CSMD1: variants seen among roughly 807,000 people sequenced by gnomAD.
CSMD1 encodes the protein CUB and Sushi multiple domains 1.
CSMD1 carries 213 observed loss-of-function variants against 417.5 expected under a neutral mutation model. That is an observed-to-expected ratio of 0.51 (90% confidence interval 0.46 to 0.57). The LOEUF (loss-of-function observed/expected upper bound fraction) is 0.57, where lower values mean the gene tolerates loss of function less well. Ranked by LOEUF, CSMD1 falls within the 20% of genes least tolerant of loss-of-function variation. The pLI, the probability that CSMD1 is intolerant of heterozygous loss-of-function variation, is 0.00. For synonymous variants in CSMD1, 2,862 were observed against 1,736.8 expected, an observed-to-expected ratio of 1.65 and a Z score of -16.11; for missense variants, 6,923 against 4,529.7, an observed-to-expected ratio of 1.53 and a Z score of -15.17.
Position 3,110,159 on chromosome 8 carries a change from A to G in CSMD1, c.6607T>C (p.Trp2203Arg). 4 of 1,602,338 alleles carry G rather than the reference A, an allele frequency of 2.5e-6. No homozygotes were observed. The highest frequency in any genetic ancestry group is 3.4e-6 in the Non-Finnish European group (4 of 1,173,960). The change falls in exon 43 of 70, where the codon TGG becomes CGG. Residue 2203 changes from tryptophan (W) to arginine (R), a missense_variant and splice_region_variant. By Grantham distance (101) the Trp-to-Arg change is moderately radical. Transcript: ENST00000635120. ...TEAVNDYIAVWDGPDQNSPQL... is the reference protein window; with the variant it reads ...TEAVNDYIAVRDGPDQNSPQL... ...TTTTGACTTGAGAGGTTCTCATACC[A>G]AACAGCAATGTAATCGTTGACAGCT...
intron 5 of CSMD1, among the ~76,000 whole-genome samples, chr8:3,898,527 T>C (rs887774797): frequency 1.3e-5 from 2 of 152,240 alleles, no homozygotes; most frequent in African/African-American, 4.8e-5. Flanking sequence ...GTCTGTCATA[T>C]CTTTGGGTTG....
In CSMD1 at chr8:4,188,279, G is replaced by A. The variant is rs147864437; in HGVS notation, c.416-156180C>T. On this transcript the variant is annotated intron_variant, in intron 3 of 69. Coordinates refer to ENST00000635120, the MANE Select transcript of CSMD1 (RefSeq NM_033225.6). ...TTTGGAGGCCACGCTTGCCCTAGACGTCGGTCAATGTCCCCCGGTTGTCAA... is the reference window on the plus strand; with the variant it reads ...TTTGGAGGCCACGCTTGCCCTAGACATCGGTCAATGTCCCCCGGTTGTCAA... 3.9e-3 allele frequency among the ~76,000 whole-genome samples: 595 copies of A among 152,202 alleles called. 4 individuals carry two copies. Among genetic ancestry groups the A allele is most frequent in the African/African-American group, 0.013 (553 of 41,516 alleles).
chr8:4,021,657 T>C (rs953429237), intron 4 of CSMD1, among the ~76,000 whole-genome samples: 1 of 152,162 alleles, frequency 6.6e-6, no homozygotes, highest in Non-Finnish European at 1.5e-5. Flanking sequence ...CCATCCCTTT[T>C]CTCTTTTGGC....
intron 3 of CSMD1, among the ~76,000 whole-genome samples, chr8:4,131,186 A>G (rs998461362): frequency 6.6e-6 from 1 of 152,186 alleles, no homozygotes; most frequent in Non-Finnish European, 1.5e-5. Flanking sequence ...ACATCAAAAG[A>G]CTTCATAGTT....
At chr8:3,338,293 G>A (rs1226780052) in intron 23 of CSMD1, among the ~76,000 whole-genome samples, 2 of 152,168 alleles carry the variant, frequency 1.3e-5, no homozygotes, top group South Asian at 2.1e-4. Flanking sequence ...CGTGGGTGCT[G>A]GGCGTTTCTT....
At chr8:3,425,099 C>G (rs1006780645) in intron 12 of CSMD1, among the ~76,000 whole-genome samples, 19 of 152,182 alleles carry the variant, frequency 1.2e-4, no homozygotes, top group African/African-American at 3.9e-4. Flanking sequence ...CCCAGCATCC[C>G]AAAGCGCCAC....
intron 10 of CSMD1, among the ~76,000 whole-genome samples, chr8:3,501,592 C>A (rs1428166564): frequency 1.3e-5 from 2 of 152,142 alleles, no homozygotes; most frequent in African/African-American, 2.4e-5. Flanking sequence ...ACTCAGAACA[C>A]ACTGGAAGGA....
chr8:2,969,191 G>A (rs1804223187), intron 57 of CSMD1, among the ~76,000 whole-genome samples: 1 of 152,156 alleles, frequency 6.6e-6, no homozygotes, highest in Admixed American at 6.5e-5. Flanking sequence ...AATGCCTAGT[G>A]TGAGATCTGA....
intron 1 of CSMD1, among the ~76,000 whole-genome samples, chr8:4,886,881 A>G (rs1271932797): frequency 6.6e-6 from 1 of 152,066 alleles, no homozygotes; most frequent in East Asian, 1.9e-4. Context: ...TTAATTGGAA[A>G]GTCTATTTAA....
intron 11 of CSMD1, among the ~76,000 whole-genome samples, chr8:3,489,140 C>G (rs929954357): frequency 1.3e-5 from 2 of 151,994 alleles, no homozygotes; most frequent in African/African-American, 4.8e-5. Context: ...AGAATGATAC[C>G]CTTTGACTCA....
chr8:4,698,333 A>C (rs1041539529), intron 1 of CSMD1, among the ~76,000 whole-genome samples: 1 of 152,152 alleles, frequency 6.6e-6, no homozygotes, highest in Non-Finnish European at 1.5e-5. Flanking sequence ...ATGGAACTTA[A>C]AGATGATGTC....
chr8:4,837,385 T>A (rs1011054243), intron 1 of CSMD1, among the ~76,000 whole-genome samples: 1 of 152,178 alleles, frequency 6.6e-6, no homozygotes, highest in Admixed American at 6.5e-5. Context: ...ATGTGGTACA[T>A]AGACACCATG....
intron 4 of CSMD1, among the ~76,000 whole-genome samples, chr8:4,000,125 T>G (rs1401753308): frequency 1.3e-5 from 2 of 152,192 alleles, no homozygotes; most frequent in Non-Finnish European, 2.9e-5. Flanking sequence ...TGGGCACCAC[T>G]GTGCAAGCAC....
At chr8:4,398,133 G>C (rs970800834) in intron 3 of CSMD1, among the ~76,000 whole-genome samples, 4 of 152,132 alleles carry the variant, frequency 2.6e-5, no homozygotes, top group African/African-American at 4.8e-5. Flanking sequence ...ATCTGGCAAA[G>C]TGTTTAGAGC....
At chr8:3,232,285 G>A (rs191643047) in intron 26 of CSMD1, among the ~76,000 whole-genome samples, 11 of 152,240 alleles carry the variant, frequency 7.2e-5, no homozygotes, top group Non-Finnish European at 1.3e-4. Context: ...GGAATTATAT[G>A]TTGCAAGTTC....
rs112222585 is a variant in CSMD1 at position 3,161,915 on chromosome 8, G to A, written c.5844+244C>T. Among the ~76,000 whole-genome samples the A allele has an allele frequency of 4.5e-3, 689 of 152,218 alleles. 9 individuals are homozygous for A. The highest frequency in any genetic ancestry group is 0.016 in the African/African-American group (660 of 41,524). On this transcript the variant is annotated intron_variant, in intron 38 of 69. Transcript: ENST00000635120. ...TGCTCTGTGCATAGTTATTGGGAAC[G>A]CATATATTTTGAAATAAAACAATTG...
At position 3,324,053 on chromosome 8, in the gene CSMD1, T is replaced by G. The variant is rs536113125; in HGVS notation, c.3632-15550A>C. 3.3e-3 allele frequency among the ~76,000 whole-genome samples: 441 copies of G among 133,634 alleles called. 22 individuals carry two copies. Among genetic ancestry groups the G allele is most frequent in the African/African-American group, 0.014 (412 of 30,036 alleles). 87.7% of individuals were successfully genotyped at this position (133,634 alleles called of 152,430 possible). ...TTTCCTTCACCCCACCTTTCATCAT[T>G]GTTAAAATAGACACACACCCAACCC... is the stretch of plus-strand genomic sequence containing the variant. On this transcript the variant is annotated intron_variant, in intron 23 of 69. Coordinates refer to ENST00000635120, the MANE Select transcript of CSMD1 (RefSeq NM_033225.6).
intron 1 of CSMD1, among the ~76,000 whole-genome samples, chr8:4,854,437 G>C: frequency 6.6e-6 from 1 of 152,240 alleles, no homozygotes; most frequent in African/African-American, 2.4e-5. Context: ...GAACAGCTCC[G>C]GTCTACAGCT....
chr8:3,433,367 C>G (rs1175114400), intron 12 of CSMD1, among the ~76,000 whole-genome samples: 4 of 152,122 alleles, frequency 2.6e-5, no homozygotes, highest in Admixed American at 6.6e-5. Context: ...AATGAGAATC[C>G]CTTCTGCCTT....
Sources: allele counts gnomAD v4.1 joint callset (sites outside exome capture counted in the v4.1 genomes callset), GRCh38; gene constraint gnomAD v4.1.1; transcripts MANE v1.5; gene names NCBI Gene and HGNC (gene_info 2026-07-23, HGNC 2026-07-21).